Variants in AMOTL2 observed in about 807,000 individuals in gnomAD.
The protein encoded by AMOTL2 is angiomotin-like protein 2.
In AMOTL2, 33 loss-of-function variants were observed where a neutral mutation model predicts 78.4. The ratio of observed to expected loss-of-function variants is 0.42; its 90% CI spans 0.32 to 0.56. The LOEUF (loss-of-function observed/expected upper bound fraction) is 0.56, where lower values mean the gene tolerates loss of function less well. AMOTL2 is among the 20% of genes least tolerant of loss of function. AMOTL2 has a pLI of 0.12. For synonymous variants in AMOTL2, 422 were observed against 428.8 expected (o/e 0.98, Z 0.20); for missense variants, 983 against 1,030.1 (o/e 0.95, Z 0.63).
chr3:134,360,561 G>A, intron 6 of AMOTL2, 148 bp from the exon 7 acceptor site: 1 of 728,770 alleles, frequency 1.4e-6, no homozygotes, highest in South Asian at 1.8e-5. Context: ...CTACCGAAAT[G>A]GGGATACAGC....
rs376825279 is a variant in AMOTL2, at chr3:134,357,739, T to C, written c.2309A>G (p.Gln770Arg). ...SLDSVATSRV[Q>R]DLSDMVEILI ...TATCTCCACCATGTCTGACAAGTCCTGGACTCTGGATGTAGCTACAGAGTC... is the reference window on the plus strand; with the variant it reads ...TATCTCCACCATGTCTGACAAGTCCCGGACTCTGGATGTAGCTACAGAGTC... The change falls in exon 10 of 10, where the codon CAG becomes CGG. Residue 770 changes from glutamine (Q) to arginine (R), a missense_variant. Transcript: ENST00000249883. 7 of 1,614,074 alleles carry C rather than the reference T, an allele frequency of 4.3e-6. No homozygotes were observed. Among genetic ancestry groups the C allele is most frequent in the African/African-American group, 1.3e-5 (1 of 74,928 alleles).
rs750844217 is a variant in AMOTL2, at chr3:134,361,642, T to C, written c.1445A>G (p.Tyr482Cys). The change falls in exon 6 of 10, where the codon TAT becomes TGT. Residue 482 changes from tyrosine to cysteine, a missense_variant. Physicochemically the swap from Tyr to Cys is radical, Grantham distance 194. Coordinates refer to ENST00000249883, the MANE Select transcript of AMOTL2 (RefSeq NM_016201.4). ...CTGCAGCCGCTCCACTTTCTCCACA[T>C]AGGCCTGCTTCTTGCGCAGCTCCTC... Reference protein sequence around the residue: ...AEEELRKKQAYVEKVERLQQA... With the variant: ...AEEELRKKQACVEKVERLQQA... 6.2e-7 allele frequency: 1 copy of C among 1,612,892 alleles called. No individual in the cohort carries two copies. Among genetic ancestry groups the C allele is most frequent in the Non-Finnish European group, 8.5e-7 (1 of 1,179,976 alleles).
Position 134,371,314 on chromosome 3 carries a change from C to G in AMOTL2, c.120G>C (p.Arg40Ser). The G allele has an allele frequency of 6.2e-7, 1 of 1,612,380 alleles. No homozygotes were observed. Among genetic ancestry groups the G allele is most frequent in the Non-Finnish European group, 8.5e-7 (1 of 1,180,028 alleles). ...TLLAIQQQAL[R>S]GGAGTGGTGS... ...CTGTACCCCCAGTTCCAGCCCCACC[C>G]CTCAGGGCCTGCTGCTGGATGGCTA... The change falls in exon 2 of 10, where the codon AGG becomes AGC. Residue 40 changes from arginine to serine, a missense_variant. Transcript: ENST00000249883.
intron 3 of AMOTL2, among the ~76,000 whole-genome samples, chr3:134,367,220 T>C (rs563650185): frequency 1.1e-4 from 17 of 152,180 alleles, no homozygotes; most frequent in African/African-American, 3.4e-4. Context: ...GGTGCGAGTG[T>C]GCAAGGAGCT....
rs1299440440 is a variant in AMOTL2 at position 134,358,719 on chromosome 3, G to A, written c.2105C>T (p.Ala702Val). Residue 702 changes from alanine to valine, a missense_variant and splice_region_variant, in exon 9 of 10, where the codon GCA becomes GTA. Physicochemically the swap from Ala to Val is moderately conservative, Grantham distance 64 (BLOSUM62 0). Transcript: ENST00000249883. ...TGGCTCCTCTGTGGGTGCTCTGTCT[G>A]CTGGAAAGGTAGGTGGATGGTTATT... ...TADAPARLTT[A>V]DRAPTEEPVV... 3 of 1,613,928 alleles carry A rather than the reference G, an allele frequency of 1.9e-6. No individual in the cohort carries two copies. Among genetic ancestry groups the A allele is most frequent in the Admixed American group, 3.3e-5 (2 of 59,994 alleles).
chr3:134,368,716 A>G (rs1308938056), intron 2 of AMOTL2, among the ~76,000 whole-genome samples: 1 of 152,146 alleles, frequency 6.6e-6, no homozygotes, highest in Non-Finnish European at 1.5e-5. Flanking sequence ...CCCTCAGTTT[A>G]GAGAACAAAT....
intron 5 of AMOTL2, among the ~76,000 whole-genome samples, chr3:134,365,189 C>T (rs531791262): frequency 2.6e-4 from 37 of 143,758 alleles, no homozygotes; most frequent in African/African-American, 8.5e-4. Flanking sequence ...GGCCTGCTCC[C>T]ATTCTCTCTT....
Position 134,370,768 on chromosome 3 carries a change from G to T in AMOTL2, c.666C>A (p.Thr222=). 6.6e-7 allele frequency: 1 copy of T among 1,522,226 alleles called. No individual in the cohort carries two copies. Among genetic ancestry groups the T allele is most frequent in the Non-Finnish European group, 8.8e-7 (1 of 1,135,516 alleles). The allele number at this position is 1,522,226 out of a possible 1,614,324, so 94.3% of individuals were successfully genotyped here. The part of the protein sequence containing the change: ...QYPHVVLAHE[T]TTAVTDPRYR... ...ACCGTGGGTCAGTGACAGCAGTGGT[G>T]GTCTCATGAGCTAGTACAACATGAG... is the stretch of plus-strand genomic sequence containing the variant. Residue 222 remains threonine (T), a synonymous_variant, in exon 2 of 10, where the codon ACC becomes ACA. Coordinates refer to ENST00000249883, the MANE Select transcript of AMOTL2 (RefSeq NM_016201.4).
At chr3:134,367,354 G>A in intron 3 of AMOTL2, 143 bp downstream of exon 3, 1 of 968,220 alleles carries the variant, frequency 1.0e-6, no homozygotes. Flanking sequence ...TGAGGAGTGA[G>A]GGAGGTGGAA....
At chr3:134,374,869 T>G, upstream of AMOTL2, 1 of 1,235,058 alleles carries the variant, frequency 8.1e-7, no homozygotes. Flanking sequence ...GTACCACGCG[T>G]GTCCTGGGGT....
In AMOTL2 at chr3:134,357,777, A is replaced by G; in HGVS notation, c.2285-14T>C. On this transcript the variant is annotated splice_polypyrimidine_tract_variant and intron_variant, in intron 9 of 9. Coordinates refer to ENST00000249883, the MANE Select transcript of AMOTL2 (RefSeq NM_016201.4). ...TAGCTACAGAGTCTGGAGACAGACA[A>G]GAACACAGGCACATGCCAATGAGTG... The G allele has an allele frequency of 6.2e-7, 1 of 1,613,630 alleles. No homozygotes were observed. The highest frequency in any genetic ancestry group is 8.5e-7 in the Non-Finnish European group (1 of 1,179,494).
chr3:134,373,251 T>C (rs1211823091), intron 1 of AMOTL2, among the ~76,000 whole-genome samples: 2 of 152,114 alleles, frequency 1.3e-5, no homozygotes. Flanking sequence ...CAGTTCGCCC[T>C]GGAGTTTTAT....
In AMOTL2 at chr3:134,358,626, C is replaced by G; in HGVS notation, c.2198G>C (p.Gly733Ala). ...GSRDGSTQTE[G>A]PPDSTSTCLP... ...GCAGGTGGAGGTGCTGTCTGGGGGG[C>G]CCTCAGTCTGGGTGCTCCCATCTCT... Residue 733 changes from glycine (G) to alanine (A), a missense_variant, in exon 9 of 10, where the codon GGC becomes GCC. Physicochemically the swap from Gly to Ala is moderately conservative, Grantham distance 60. Transcript: ENST00000249883. The G allele has an allele frequency of 6.2e-7, 1 of 1,613,876 alleles. No homozygotes were observed.
At chr3:134,375,077 C>A, upstream of AMOTL2, 2 of 1,470,946 alleles carry the variant, frequency 1.4e-6, no homozygotes, top group Non-Finnish European at 1.8e-6. Context: ...CCCCCAGCGG[C>A]AACCTTTGAA....
chr3:134,366,497 T>C (rs1481418864), intron 3 of AMOTL2, 70 bp from the exon 4 acceptor site: 1 of 1,503,576 alleles, frequency 6.7e-7, no homozygotes, highest in East Asian at 2.3e-5. Flanking sequence ...GCTGACCCAC[T>C]ACTCTCCATC....
At position 134,355,981 on chromosome 3, in the gene AMOTL2, T is replaced by C. The variant is rs2017062241; in HGVS notation, c.*1724A>G. On this transcript the variant is annotated 3_prime_UTR_variant, in exon 10 of 10. Coordinates refer to ENST00000249883, the MANE Select transcript of AMOTL2 (RefSeq NM_016201.4). ...AAAACAGCCATGTTTACATTTTAAATATTTACGATAACTTAAACATACAGA... is the reference window on the plus strand; with the variant it reads ...AAAACAGCCATGTTTACATTTTAAACATTTACGATAACTTAAACATACAGA... 1 of 152,706 alleles carries C rather than the reference T, an allele frequency of 6.5e-6. No homozygotes were observed. The highest frequency in any genetic ancestry group is 2.1e-4 in the South Asian group (1 of 4,836). The allele number at this position is 152,706 out of a possible 1,614,324, so 9.5% of individuals were successfully genotyped here.
At position 134,374,408 on chromosome 3, in the gene AMOTL2, G is replaced by A. The variant is rs1329669305; in HGVS notation, c.-128C>T. On this transcript the variant is annotated 5_prime_UTR_variant, in exon 1 of 10. Coordinates refer to ENST00000249883, the MANE Select transcript of AMOTL2 (RefSeq NM_016201.4). ...CCTCCGGCTCGGCCCAGCTCAGCTC[G>A]GCGGCGAAGATGTGTTCTCGGCCGT... 2.0e-6 allele frequency: 2 copies of A among 985,258 alleles called. No individual in the cohort carries two copies. Among genetic ancestry groups the A allele is most frequent in the Non-Finnish European group, 2.4e-6 (2 of 829,892 alleles). 61.0% of individuals were successfully genotyped at this position (985,258 alleles called of 1,614,324 possible). A position where few individuals can be genotyped will look rare whatever the true frequency, so the allele number is the denominator to read the frequency against.
At position 134,374,420 on chromosome 3, in the gene AMOTL2, G is replaced by C; in HGVS notation, c.-140C>G. On this transcript the variant is annotated 5_prime_UTR_variant, in exon 1 of 10. Coordinates refer to ENST00000249883, the MANE Select transcript of AMOTL2 (RefSeq NM_016201.4). ...CCCAGCTCAGCTCGGCGGCGAAGAT[G>C]TGTTCTCGGCCGTGGCGCCGACGCT... 1.0e-6 allele frequency: 1 copy of C among 985,364 alleles called. No homozygotes were observed. Among genetic ancestry groups the C allele is most frequent in the Non-Finnish European group, 1.2e-6 (1 of 829,940 alleles). The allele number at this position is 985,364 out of a possible 1,614,324, so 61.0% of individuals were successfully genotyped here.
intron 9 of AMOTL2, among the ~76,000 whole-genome samples, chr3:134,358,262 G>A (rs1231661774): frequency 2.6e-5 from 4 of 152,238 alleles, no homozygotes; most frequent in Admixed American, 1.3e-4. Flanking sequence ...GACCATGAAA[G>A]AGGAGCTAAA....
Sources: gnomAD v4.1 joint callset for allele counts (sites outside exome capture counted in the v4.1 genomes callset) on GRCh38, gnomAD v4.1.1 for gene constraint, MANE v1.5 for transcripts, NCBI Gene and HGNC (gene_info 2026-07-23, HGNC 2026-07-21) for gene names.